The following KIR3DL1 variants were observed in gnomAD, a reference collection of about 807,000 sequenced individuals.
KIR3DL1 encodes killer cell immunoglobulin like receptor, three Ig domains and long cytoplasmic tail 1.
In KIR3DL1, 50 loss-of-function variants were observed where a neutral mutation model predicts 40.3. That is an observed-to-expected ratio of 1.24 (90% CI 0.99 to 1.57). The LOEUF is 1.57. Among genes scored for constraint, KIR3DL1 ranks in the 40% most tolerant of loss-of-function variants. The pLI, the probability that KIR3DL1 is intolerant of heterozygous loss-of-function variation, is 0.00. For synonymous variants in KIR3DL1, 257 were observed against 207.2 expected, an observed-to-expected ratio of 1.24 and a Z score of -2.07; for missense variants, 661 against 559.9, an observed-to-expected ratio of 1.18 and a Z score of -1.82.
At chr19:54,819,990 T>C (rs78317559) in exon 4 of KIR3DL1, 8 of 1,610,866 alleles carry the variant, frequency 5.0e-6, no homozygotes, top group Admixed American at 3.3e-5. Flanking sequence ...CTCCCAGTGA[T>C]CCCCTGGACA....
In KIR3DL1 at chr19:54,824,089, C is replaced by T. The variant is rs1279566964; in HGVS notation, c.950-939C>T. Among the ~76,000 whole-genome samples, 7 of 151,446 alleles carry T rather than the reference C, an allele frequency of 4.6e-5. 1 individual carries two copies. The East Asian group carries it at 1.4e-3, about 29-fold the overall frequency. On this transcript the variant is annotated intron_variant, in intron 5 of 8. Coordinates refer to ENST00000391728, the Ensembl canonical transcript of KIR3DL1. ...TTTATCTTTTGTGGTGCAGAAGTTG[C>T]TTGGTTTGATGTAATCCTAATGGTC...
At position 54,828,146 on chromosome 19, in the gene KIR3DL1, G is replaced by C. The variant is rs1420211575; in HGVS notation, c.1001-1215G>C. On this transcript the variant is annotated intron_variant, in intron 6 of 8. Coordinates refer to ENST00000391728, the Ensembl canonical transcript of KIR3DL1. ...AACATGTGTCTCCCGAGATCACAAA[G>C]AGTAGCACATTTCACACGGGCTTCA... 3.3e-5 allele frequency among the ~76,000 whole-genome samples: 5 copies of C among 150,938 alleles called. 1 individual carries two copies. The highest frequency in any genetic ancestry group is 1.2e-4 in the African/African-American group (5 of 40,558).
exon 9 of KIR3DL1, chr19:54,830,636 A>T: frequency 3.5e-6 from 1 of 285,602 alleles, no homozygotes; most frequent in Non-Finnish European, 6.5e-6. Context: ...CGTGGCACTT[A>T]CCCACGTGCT....
intron 2 of KIR3DL1, 129 bp downstream of exon 2, chr19:54,817,698 A>AT: frequency 1.3e-6 from 1 of 748,566 alleles, no homozygotes; most frequent in Non-Finnish European, 2.1e-6. Context: ...CTCGGCCCAC[A>AT]TTTCTGACCT....
intron 6 of KIR3DL1, among the ~76,000 whole-genome samples, chr19:54,827,906 C>A (rs1288028111): frequency 1.3e-5 from 2 of 150,228 alleles, no homozygotes; most frequent in Non-Finnish European, 2.9e-5. Context: ...CCATCTCACC[C>A]CTACTTCCAA....
In KIR3DL1 at chr19:54,817,786, G is replaced by A. The variant is rs1344868902; in HGVS notation, c.70+217G>A. On this transcript the variant is annotated intron_variant, in intron 2 of 8. Transcript: ENST00000391728. ...GGGTGAGACTAGGGTGCTCCAAGAT[G>A]GGTGTGCAGGGAGGAAGTGGTGTCA... 1.3e-5 allele frequency among the ~76,000 whole-genome samples: 2 copies of A among 148,650 alleles called. 1 individual carries two copies. Among genetic ancestry groups the A allele is most frequent in the Non-Finnish European group, 3.0e-5 (2 of 67,580 alleles).
rs146910432 is a variant in KIR3DL1, at chr19:54,827,658, C to G, written c.1001-1703C>G. On this transcript the variant is annotated intron_variant, in intron 6 of 8. Transcript: ENST00000391728. ...ATGCATAAATATAATAAAACACACA[C>G]GAATGACAAAGGCACCTGAATTCCC... Among the ~76,000 whole-genome samples, 15 of 150,134 alleles carry G rather than the reference C, an allele frequency of 1.0e-4. 1 individual carries two copies. Among genetic ancestry groups the G allele is most frequent in the African/African-American group, 2.2e-4 (9 of 40,110 alleles).
chr19:54,824,574 T>C (rs1448976784), intron 5 of KIR3DL1, among the ~76,000 whole-genome samples: 2 of 151,270 alleles, frequency 1.3e-5, no homozygotes, highest in African/African-American at 2.4e-5. Context: ...TACTCGGGTG[T>C]TTGAGGCAAG....
At chr19:54,816,798 C>A (rs2061360437) in intron 1 of KIR3DL1, among the ~76,000 whole-genome samples, 1 of 80,036 alleles carries the variant, frequency 1.2e-5, no homozygotes, top group Admixed American at 1.4e-4. Flanking sequence ...GAGAGATGGG[C>A]CTGGAGGGGA....
At chr19:54,823,106 C>T (rs2061720114) in intron 5 of KIR3DL1, among the ~76,000 whole-genome samples, 1 of 150,344 alleles carries the variant, frequency 6.7e-6, no homozygotes, top group African/African-American at 2.5e-5. Flanking sequence ...GAGATCTTGG[C>T]TCATTGCAAC....
chr19:54,826,097 A>T (rs1460755197), intron 6 of KIR3DL1, among the ~76,000 whole-genome samples: 1 of 150,912 alleles, frequency 6.6e-6, no homozygotes. Flanking sequence ...CATGTAAAAT[A>T]AGATATTCAC....
At chr19:54,829,312 A>G in intron 6 of KIR3DL1, 49 bp from the exon 7 acceptor site, 1 of 1,343,022 alleles carries the variant, frequency 7.4e-7, no homozygotes, top group Non-Finnish European at 1.0e-6. Context: ...CAATTCATAT[A>G]GAGAAACTGC....
chr19:54,819,432 G>T (rs1457516338), intron 3 of KIR3DL1, among the ~76,000 whole-genome samples: 1 of 148,450 alleles, frequency 6.7e-6, no homozygotes, highest in East Asian at 2.0e-4. Context: ...CACATAGACA[G>T]CAGGAAAGAG....
rs565190418 is a variant in KIR3DL1 at position 54,819,981 on chromosome 19, T to C, written c.624T>C (p.Ala208=). Residue 208 remains alanine, a synonymous_variant, in exon 4 of 9, where the codon GCT becomes GCC. Coordinates refer to ENST00000391728, the Ensembl canonical transcript of KIR3DL1. ...CTCACACCCCCTATCAGTTGTCAGC[T>C]CCCAGTGATCCCCTGGACATCGTGG... The C allele has an allele frequency of 4.3e-5, 69 of 1,611,060 alleles. 1 individual carries two copies. In the East Asian group the frequency reaches 1.4e-3, roughly 33 times the overall value.
In KIR3DL1 at chr19:54,829,937, T is replaced by C; in HGVS notation, c.1115T>C (p.Val372Ala). Reference sequence around the variant, plus strand: ...CTTCCGTCTCCTACAGATGCTGCTGTAATGGACCAAGAGCCTGCAGGGAAC... The same window carrying C: ...CTTCCGTCTCCTACAGATGCTGCTGCAATGGACCAAGAGCCTGCAGGGAAC... The change falls in exon 8 of 9, where the codon GTA becomes GCA. Residue 372 changes from valine to alanine, a missense_variant. Val to Ala is a moderately conservative substitution (Grantham distance 64, BLOSUM62 0). Around this residue, in one of 3 missense-constraint regions of KIR3DL1, gnomAD observed 107 missense variants for 129.4 expected, o/e 0.83. Transcript: ENST00000391728. 1.3e-6 allele frequency: 2 copies of C among 1,525,628 alleles called. 1 individual carries two copies. Among genetic ancestry groups the C allele is most frequent in the Non-Finnish European group, 1.8e-6 (2 of 1,123,722 alleles). The allele number at this position is 1,525,628 out of a possible 1,614,324, so 94.5% of individuals were successfully genotyped here.
Position 54,819,837 on chromosome 19 carries a change from C to CTT in KIR3DL1, c.481_482insTT (p.Ser161PhefsTer26). The CTT allele has an allele frequency of 2.5e-6, 4 of 1,611,986 alleles. No homozygotes were observed. In the African/African-American group the frequency reaches 5.4e-5, roughly 22 times the overall value. ...ACTTCTTTCTGCACAAAGAGGGGAT[C>CTT]TCTAAGGACCCCTCACGCCTCGTTG... On this transcript the variant is annotated frameshift_variant, in exon 4 of 9. Coordinates refer to ENST00000391728, the Ensembl canonical transcript of KIR3DL1. LOFTEE classifies it high-confidence loss of function.
At position 54,821,788 on chromosome 19, in the gene KIR3DL1, C is replaced by T. The variant is rs747304776; in HGVS notation, c.879C>T (p.Cys293=). The T allele has an allele frequency of 6.2e-6, 10 of 1,607,296 alleles. No individual in the cohort carries two copies. In the South Asian group the frequency reaches 9.9e-5, roughly 16 times the overall value. The change falls in exon 5 of 9, where the codon TGC becomes TGT. Residue 293 remains cysteine (C), a synonymous_variant. Transcript: ENST00000391728. ...CCACCCACGGAGGGACCTACAGATG[C>T]TTCGGCTCTTTCCGTCACTCTCCCT...
chr19:54,821,445 GGT>G, intron 4 of KIR3DL1, 118 bp from the exon 5 acceptor site: 1 of 1,222,670 alleles, frequency 8.2e-7, no homozygotes, highest in Non-Finnish European at 1.1e-6. Flanking sequence ...TGGGGTGGAG[GGT>G]GAGAGAGAGA....
At chr19:54,819,909 C>A (rs1189524508) in exon 4 of KIR3DL1, 4 of 1,612,260 alleles carry the variant, frequency 2.5e-6, no homozygotes, top group Non-Finnish European at 2.5e-6. Flanking sequence ...CCATCGGTCC[C>A]ATGATGCTTG....
Sources: allele counts gnomAD v4.1 joint callset (sites outside exome capture counted in the v4.1 genomes callset), GRCh38; gene constraint gnomAD v4.1.1; regional missense constraint gnomAD v4.1.1; transcripts MANE v1.5; gene names NCBI Gene and HGNC (gene_info 2026-07-23, HGNC 2026-07-21).